The following HINT3 variants were observed in gnomAD, a reference collection of about 807,000 sequenced individuals.
The protein encoded by HINT3 is histidine triad nucleotide binding protein 3.
A neutral mutation model predicts 19.1 loss-of-function variants in HINT3; 16 were observed. The observed-to-expected ratio is 0.84, with a 90% confidence interval of 0.57 to 1.27. The LOEUF (loss-of-function observed/expected upper bound fraction) is 1.27. HINT3 is among the 50% of genes most tolerant of loss of function. The pLI, the probability that HINT3 is intolerant of heterozygous loss-of-function variation, is 0.00. For missense variants in HINT3, 197 were observed against 225.8 expected, an observed-to-expected ratio of 0.87 and a Z score of 0.82; for synonymous variants, 75 against 84.8, an observed-to-expected ratio of 0.88 and a Z score of 0.63.
At chr6:125,967,819 T>C (rs1284465486) in intron 2 of HINT3, among the ~76,000 whole-genome samples, 1 of 152,228 alleles carries the variant, frequency 6.6e-6, no homozygotes, top group Non-Finnish European at 1.5e-5. Flanking sequence ...TATGAGTTTT[T>C]AGTGATGAAC....
intron 1 of HINT3, among the ~76,000 whole-genome samples, chr6:125,958,468 T>C (rs1016761278): frequency 6.6e-6 from 1 of 152,154 alleles, no homozygotes; most frequent in African/African-American, 2.4e-5. Context: ...TCTGGCATCA[T>C]TGTGGAGAAT....
At position 125,974,867 on chromosome 6, in the gene HINT3, C is replaced by T. The variant is rs1239471829; in HGVS notation, c.410C>T (p.Pro137Leu). 1 of 1,613,592 alleles carries T rather than the reference C, an allele frequency of 6.2e-7. No homozygotes were observed. The highest frequency in any genetic ancestry group is 1.3e-5 in the African/African-American group (1 of 74,890). ...TTTAGGATGGGTTTTCATATGCCAC[C>T]ATTCTGTTCCATTTCCCACTTGCAC... is the stretch of plus-strand genomic sequence containing the variant. ...TNVRMGFHMP[P>L]FCSISHLHLH... The change falls in exon 4 of 5, where the codon CCA becomes CTA. Residue 137 changes from proline to leucine, a missense_variant. Pro to Leu is a moderately conservative substitution (Grantham distance 98, BLOSUM62 -3). Transcript: ENST00000229633.
intron 2 of HINT3, among the ~76,000 whole-genome samples, chr6:125,971,397 C>T (rs979670545): frequency 6.6e-6 from 1 of 152,164 alleles, no homozygotes; most frequent in Non-Finnish European, 1.5e-5. Context: ...TCCTAAATAG[C>T]CAGCTGTCCT....
chr6:125,961,137 G>A (rs908730309), intron 1 of HINT3, among the ~76,000 whole-genome samples: 4 of 152,236 alleles, frequency 2.6e-5, no homozygotes, highest in African/African-American at 7.2e-5. Flanking sequence ...TATTTTCATG[G>A]TAGAAATAAG....
intron 1 of HINT3, among the ~76,000 whole-genome samples, chr6:125,957,885 G>T (rs1318262596): frequency 6.6e-6 from 1 of 152,138 alleles, no homozygotes; most frequent in Non-Finnish European, 1.5e-5. Flanking sequence ...TGTGTCTTTT[G>T]TAGTAAACAT....
intron 1 of HINT3, among the ~76,000 whole-genome samples, chr6:125,964,168 T>C (rs1788984001): frequency 6.6e-6 from 1 of 152,226 alleles, no homozygotes; most frequent in African/African-American, 2.4e-5. Flanking sequence ...CAAAATACTG[T>C]ATCTTTAAGT....
chr6:125,970,908 C>T (rs1310646314), intron 2 of HINT3, among the ~76,000 whole-genome samples: 1 of 151,972 alleles, frequency 6.6e-6, no homozygotes, highest in Non-Finnish European at 1.5e-5. Flanking sequence ...TTTTTTTGGA[C>T]TCTATGGTAC....
chr6:125,966,822 G>A (rs1470574753), intron 1 of HINT3, 65 bp from the exon 2 acceptor site: 5 of 1,040,956 alleles, frequency 4.8e-6, no homozygotes, highest in Non-Finnish European at 7.2e-6. Flanking sequence ...TGATATTTAA[G>A]TCATGCCAGA....
chr6:125,969,903 C>G (rs1789074716), intron 2 of HINT3, among the ~76,000 whole-genome samples: 1 of 152,102 alleles, frequency 6.6e-6, no homozygotes. Flanking sequence ...TCAGGGTTTT[C>G]TAGGTATGGA....
chr6:125,961,664 G>A (rs888455879), intron 1 of HINT3, among the ~76,000 whole-genome samples: 2 of 152,190 alleles, frequency 1.3e-5, no homozygotes, highest in African/African-American at 4.8e-5. Context: ...AGGGGGCAGA[G>A]CTTCCATGTC....
rs776881427 is a variant in HINT3, at chr6:125,957,185, G to A, written c.201+7G>A. ...CGAACTCCTGCACTGCGAGGTGGGCGGCGACGCGCGGCCGGGGGTGGGTGA... is the reference window on the plus strand; with the variant it reads ...CGAACTCCTGCACTGCGAGGTGGGCAGCGACGCGCGGCCGGGGGTGGGTGA... On this transcript the variant is annotated splice_region_variant and intron_variant, in intron 1 of 4. Coordinates refer to ENST00000229633, the MANE Select transcript of HINT3 (RefSeq NM_138571.5). 1 of 1,541,046 alleles carries A rather than the reference G, an allele frequency of 6.5e-7. No individual in the cohort carries two copies. The highest frequency in any genetic ancestry group is 1.2e-5 in the South Asian group (1 of 83,850).
chr6:125,962,149 C>CATATATATATACACATATATATAT (rs1788934723), intron 1 of HINT3, among the ~76,000 whole-genome samples: 8 of 38,682 alleles, frequency 2.1e-4, no homozygotes, highest in South Asian at 1.6e-3. Context: ...GATGGAAACC[C>CATATATATATACACATATATATAT]ATATATATAT....
intron 1 of HINT3, among the ~76,000 whole-genome samples, chr6:125,961,699 G>A (rs902793258): frequency 2.6e-5 from 4 of 152,174 alleles, no homozygotes; most frequent in South Asian, 4.1e-4. Flanking sequence ...CCTCTCCCAG[G>A]AGCCTCCATG....
At position 125,974,230 on chromosome 6, in the gene HINT3, TAA is replaced by T. The variant is rs544517731; in HGVS notation, c.390-613_390-612del. ...ATTTTTAAGAGTTTAAATCATATTT[TAA>T]AAACTTTGTAACCATTTAAAGGAAT... On this transcript the variant is annotated intron_variant, in intron 3 of 4. Coordinates refer to ENST00000229633, the MANE Select transcript of HINT3 (RefSeq NM_138571.5). 1.7e-3 allele frequency among the ~76,000 whole-genome samples: 266 copies of T among 152,352 alleles called. 1 individual carries two copies. The highest frequency in any genetic ancestry group is 6.2e-3 in the African/African-American group (257 of 41,590).
Position 125,979,821 on chromosome 6 carries a change from A to G in HINT3, c.*2145A>G, listed in dbSNP as rs4897165. 0.71 allele frequency: 108,460 copies of G among 152,054 alleles called. 39,207 individuals are homozygous for G. Among genetic ancestry groups the G allele is most frequent in the East Asian group, 0.95 (4,925 of 5,184 alleles). The allele number at this position is 152,054 out of a possible 1,614,324, so 9.4% of individuals were successfully genotyped here. A position where few individuals can be genotyped will look rare whatever the true frequency, so the allele number is the denominator to read the frequency against. On this transcript the variant is annotated 3_prime_UTR_variant, in exon 5 of 5. Transcript: ENST00000229633. ...TCAGATGCCTTATGGACCTCTTCAA[A>G]AATGTGGTTAGCCAATTGATTCAAC...
intron 2 of HINT3, among the ~76,000 whole-genome samples, 158 bp from the exon 3 acceptor site, chr6:125,972,101 C>T (rs531153420): frequency 6.6e-6 from 1 of 152,290 alleles, no homozygotes; most frequent in Non-Finnish European, 1.5e-5. Context: ...AAGTGATCCT[C>T]CTCCCAAAGT....
In HINT3 at chr6:125,956,822, G is replaced by T. The variant is rs1583586186; in HGVS notation, c.-156G>T. On this transcript the variant is annotated 5_prime_UTR_variant, in exon 1 of 5. Coordinates refer to ENST00000229633, the MANE Select transcript of HINT3 (RefSeq NM_138571.5). ...GCCTCCGGCTTTGAAGTTCCTCACC[G>T]CGTCTCCTTCCCTCTCCCCAAAGCC... is the stretch of plus-strand genomic sequence containing the variant. The T allele has an allele frequency of 1.3e-6, 1 of 784,114 alleles. No homozygotes were observed. Among genetic ancestry groups the T allele is most frequent in the Non-Finnish European group, 2.0e-6 (1 of 505,824 alleles). The allele number at this position is 784,114 out of a possible 1,614,324, so 48.6% of individuals were successfully genotyped here.
intron 1 of HINT3, among the ~76,000 whole-genome samples, chr6:125,959,530 T>C (rs1213694547): frequency 6.6e-6 from 1 of 152,190 alleles, no homozygotes; most frequent in South Asian, 2.1e-4. Context: ...GTGATGTTCA[T>C]TGACCTTGAG....
chr6:125,971,633 CAA>C (rs1174439968), intron 2 of HINT3, among the ~76,000 whole-genome samples: 1 of 146,848 alleles, frequency 6.8e-6, no homozygotes, highest in Non-Finnish European at 1.5e-5. Context: ...CTCCTGGGCT[CAA>C]GAAATCCTTC....
Sources: gnomAD v4.1 joint callset for allele counts (sites outside exome capture counted in the v4.1 genomes callset) on GRCh38, gnomAD v4.1.1 for gene constraint, MANE v1.5 for transcripts, NCBI Gene and HGNC (gene_info 2026-07-23, HGNC 2026-07-21) for gene names.